The following FAM199X variants were observed in gnomAD, a reference collection of about 807,000 sequenced individuals.
FAM199X encodes the protein family with sequence similarity 199, X-linked.
Under a neutral mutation model 22.9 loss-of-function variants are expected in FAM199X, and 4 were observed. That is an observed-to-expected ratio of 0.17 (90% CI 0.09 to 0.40). The LOEUF is 0.40. FAM199X is among the 10% of genes least tolerant of loss of function. The probability of loss-of-function intolerance (pLI) is 1.00; values close to 1 mark genes in which losing one functional copy is unlikely to be tolerated. For synonymous variants in FAM199X, 101 were observed against 112.3 expected, an observed-to-expected ratio of 0.90 and a Z score of 0.64; for missense variants, 183 against 306.8, an observed-to-expected ratio of 0.60 and a Z score of 3.01.
At chrX:104,170,591 T>A (rs1921327414) in intron 1 of FAM199X, among the ~76,000 whole-genome samples, 1 of 111,868 alleles carries the variant, frequency 8.9e-6, no homozygotes, top group South Asian at 3.7e-4. Context: ...TTTCTTTTTT[T>A]AACTTCATTT....
At chrX:104,184,113 G>A (rs150528083) in intron 2 of FAM199X, among the ~76,000 whole-genome samples, 1 of 112,197 alleles carries the variant, frequency 8.9e-6, no homozygotes, top group Non-Finnish European at 1.9e-5. Flanking sequence ...TTCATCATGT[G>A]CTGTGTTGTA....
At chrX:104,161,359 A>G in the FAM199X span, among the ~76,000 whole-genome samples, 1 of 112,182 alleles carries the variant, frequency 8.9e-6, no homozygotes, top group African/African-American at 3.2e-5. Flanking sequence ...TATCATAGCT[A>G]CTTGCTTAAC....
At chrX:104,165,775 A>G (rs1921155866), upstream of FAM199X, among the ~76,000 whole-genome samples, 2 of 111,380 alleles carry the variant, frequency 1.8e-5, no homozygotes, top group Admixed American at 1.9e-4. Context: ...GCTCCATAAT[A>G]TATTTTCTAC....
Position 104,192,391 on chromosome X carries a change from G to A in FAM199X, c.*2613G>A, listed in dbSNP as rs1223989622. 2 of 111,407 alleles carry A rather than the reference G, an allele frequency of 1.8e-5. No homozygotes were observed. The highest frequency in any genetic ancestry group is 3.8e-5 in the Non-Finnish European group (2 of 52,897). The allele number at this position is 111,407 out of a possible 1,213,427, so 9.2% of individuals were successfully genotyped here. A position where few individuals can be genotyped will look rare whatever the true frequency, so the allele number is the denominator to read the frequency against. On this transcript the variant is annotated 3_prime_UTR_variant, in exon 6 of 6. Transcript: ENST00000493442. ...GCAAGACTTACTTGCTGTAGTATTG[G>A]TTCTCATCTGTAGAGAACTGACATT...
At position 104,186,165 on chromosome X, in the gene FAM199X, C is replaced by T. The variant is rs1408237206; in HGVS notation, c.517C>T (p.His173Tyr). 1 of 1,209,045 alleles carries T rather than the reference C, an allele frequency of 8.3e-7. No homozygotes were observed. The highest frequency in any genetic ancestry group is 1.8e-5 in the African/African-American group (1 of 57,076). ...CCTGCTTCCTAAAAAGAAAAACAAG[C>T]ACCGGAATTTAGATGAACTCCCTTG... ...PCLLPKKKNK[H>Y]RNLDELPWSA... The change falls in exon 3 of 6, where the codon CAC (histidine) becomes TAC (tyrosine). Residue 173 changes from histidine to tyrosine, a missense_variant. Transcript: ENST00000493442.
chrX:104,188,005 G>A (rs1214114948), intron 4 of FAM199X, 35 bp from the exon 5 acceptor site: 2 of 1,191,730 alleles, frequency 1.7e-6, no homozygotes, highest in Non-Finnish European at 2.3e-6. Context: ...ACATCAAGGT[G>A]CAACACTAAC....
At chrX:104,179,191 T>C (rs1921576075) in intron 2 of FAM199X, among the ~76,000 whole-genome samples, 1 of 111,932 alleles carries the variant, frequency 8.9e-6, no homozygotes, top group Non-Finnish European at 1.9e-5. Flanking sequence ...TAGTTGGGAT[T>C]TTGGTAGAGA....
At chrX:104,173,216 A>G (rs1183946307) in intron 1 of FAM199X, among the ~76,000 whole-genome samples, 2 of 111,829 alleles carry the variant, frequency 1.8e-5, no homozygotes, top group African/African-American at 6.5e-5. Context: ...TCCTCTTCAT[A>G]ACTTTTATTG....
the FAM199X span, among the ~76,000 whole-genome samples, chrX:104,159,641 A>C: frequency 8.9e-6 from 1 of 112,319 alleles, no homozygotes; most frequent in African/African-American, 3.2e-5. Flanking sequence ...CAGTGTTTCT[A>C]TACCATAGTG....
At chrX:104,171,083 T>C in intron 1 of FAM199X, among the ~76,000 whole-genome samples, 1 of 111,287 alleles carries the variant, frequency 9.0e-6, no homozygotes, top group Non-Finnish European at 1.9e-5. Context: ...TGGATTCTTA[T>C]CTTCAGAAGT....
At chrX:104,157,305 A>G in the FAM199X span, among the ~76,000 whole-genome samples, 2 of 111,496 alleles carry the variant, frequency 1.8e-5, no homozygotes, top group Non-Finnish European at 3.8e-5. Flanking sequence ...GACCAACCCA[A>G]ACTCCGAATT....
the FAM199X span, among the ~76,000 whole-genome samples, chrX:104,160,686 C>T: frequency 8.9e-6 from 1 of 112,210 alleles, no homozygotes; most frequent in East Asian, 2.8e-4. Flanking sequence ...ATTCAGAAGA[C>T]ATATTGGATC....
the FAM199X span, among the ~76,000 whole-genome samples, chrX:104,159,482 C>T: frequency 8.9e-6 from 1 of 112,378 alleles, no homozygotes; most frequent in Non-Finnish European, 1.9e-5. Flanking sequence ...GAGATGTGTT[C>T]CTAGCATCCT....
intron 2 of FAM199X, among the ~76,000 whole-genome samples, chrX:104,181,502 A>G (rs1602519208): frequency 8.9e-6 from 1 of 111,987 alleles, no homozygotes; most frequent in East Asian, 2.8e-4. Flanking sequence ...CAGTGTTGCA[A>G]CTTCCAATTA....
chrX:104,159,360 C>G, the FAM199X span, among the ~76,000 whole-genome samples: 1 of 112,476 alleles, frequency 8.9e-6, no homozygotes, highest in Non-Finnish European at 1.9e-5. Context: ...CAACCCAGTT[C>G]TTTCCTTGCT....
At position 104,189,746 on chromosome X, in the gene FAM199X, G is replaced by A; in HGVS notation, c.1135G>A (p.Asp379Asn). 3.3e-6 allele frequency: 4 copies of A among 1,211,295 alleles called. No homozygotes were observed. Among genetic ancestry groups the A allele is most frequent in the Non-Finnish European group, 4.5e-6 (4 of 895,410 alleles). ...EVLSLKVTEE[D>N]HEADVDVLM is the part of the protein sequence containing the mutation. ...GCTGTCCTTGAAAGTGACTGAGGAA[G>A]ACCATGAAGCAGATGTTGATGTTTT... The change falls in exon 6 of 6, where the codon GAC (aspartate) becomes AAC (asparagine). Residue 379 changes from aspartate to asparagine, a missense_variant. This residue lies in a region of FAM199X where 128 missense variants were observed against 246.2 expected (regional missense o/e 0.52). Coordinates refer to ENST00000493442, the MANE Select transcript of FAM199X (RefSeq NM_207318.4).
upstream of FAM199X, among the ~76,000 whole-genome samples, chrX:104,163,920 G>A (rs995651601): frequency 9.1e-6 from 1 of 110,195 alleles, no homozygotes. Flanking sequence ...TGCCTGCCTC[G>A]GCCTCCCAAA....
chrX:104,190,020 G>A lies in FAM199X; in HGVS notation c.*242G>A. On this transcript the variant is annotated 3_prime_UTR_variant, in exon 6 of 6. Coordinates refer to ENST00000493442, the MANE Select transcript of FAM199X (RefSeq NM_207318.4). Reference sequence around the variant, plus strand: ...GTGAATCAGAAACCAACAGGGAGGCGCCTAGCATTGTTTTTTTAACAAGTG... The same window carrying A: ...GTGAATCAGAAACCAACAGGGAGGCACCTAGCATTGTTTTTTTAACAAGTG... The A allele has an allele frequency of 9.0e-6, 3 of 335,056 alleles. No homozygotes were observed. The highest frequency in any genetic ancestry group is 1.0e-5 in the Non-Finnish European group (2 of 193,933). The allele number at this position is 335,056 out of a possible 1,213,427, so 27.6% of individuals were successfully genotyped here.
chrX:104,186,271 C>T (rs1921805824), intron 3 of FAM199X, 56 bp downstream of exon 3: 4 of 1,141,822 alleles, frequency 3.5e-6, no homozygotes, highest in Non-Finnish European at 4.7e-6. Context: ...AGGTAAAGCT[C>T]AGTTTATTGC....
Sources: allele counts gnomAD v4.1 joint callset (sites outside exome capture counted in the v4.1 genomes callset), GRCh38; gene constraint gnomAD v4.1.1; regional missense constraint gnomAD v4.1.1; transcripts MANE v1.5; gene names NCBI Gene and HGNC (gene_info 2026-07-23, HGNC 2026-07-21).